CCL26: variants seen among roughly 807,000 people sequenced by gnomAD.
The protein encoded by CCL26 is C-C motif chemokine ligand 26, also known as C-C motif chemokine 26.
A neutral mutation model predicts 10.7 loss-of-function variants in CCL26; 10 were observed. The ratio of observed to expected loss-of-function variants is 0.93; its 90% CI spans 0.57 to 1.58. CCL26 has a LOEUF of 1.58. Among genes scored for constraint, CCL26 ranks in the 40% most tolerant of loss-of-function variants. The pLI is 0.00. For synonymous variants in CCL26, 43 were observed against 41.4 expected (o/e 1.04, Z -0.15); for missense variants, 116 against 111.0 (o/e 1.05, Z -0.20).
intron 1 of CCL26, among the ~76,000 whole-genome samples, chr7:75,783,717 G>A (rs532087466): frequency 1.7e-4 from 25 of 151,334 alleles, no homozygotes; most frequent in Admixed American, 1.6e-3. Flanking sequence ...AACCCGGTAG[G>A]TGGAGCTTGC....
rs767218615 is a variant in CCL26 at position 75,769,730 on chromosome 7, T to G, written c.248A>C (p.Lys83Thr). 1 of 1,613,268 alleles carries G rather than the reference T, an allele frequency of 6.2e-7. No individual in the cohort carries two copies. The highest frequency in any genetic ancestry group is 1.7e-4 in the Middle Eastern group (1 of 6,056). Residue 83 changes from lysine (K) to threonine (T), a missense_variant, in exon 3 of 3, where the codon AAA becomes ACA. Transcript: ENST00000005180. ...CGGAGTTTTCAGTAAAGAAATGTAT[T>G]TTTGCACCCATTTTTTCCTTGGATG... ...CTHPRKKWVQ[K>T]YISLLKTPKQ...
At chr7:75,784,274 G>A (rs946661852) in intron 1 of CCL26, among the ~76,000 whole-genome samples, 1 of 152,194 alleles carries the variant, frequency 6.6e-6, no homozygotes. Context: ...TGTCCCATCT[G>A]TGTGGGACCC....
intron 1 of CCL26, among the ~76,000 whole-genome samples, chr7:75,781,174 G>A (rs1248815327): frequency 2.6e-5 from 4 of 152,216 alleles, no homozygotes; most frequent in East Asian, 3.9e-4. Context: ...ATCCACTCCC[G>A]ACATTAAATA....
At chr7:75,770,361 C>T (rs976211160) in intron 2 of CCL26, among the ~76,000 whole-genome samples, 8 of 151,986 alleles carry the variant, frequency 5.3e-5, no homozygotes, top group Non-Finnish European at 8.8e-5. Flanking sequence ...TGAGCCACCA[C>T]GCCTAGCCTT....
chr7:75,787,367 G>A lies in CCL26; in HGVS notation c.-79+2350C>T, dbSNP rs1200258295. 4.6e-5 allele frequency among the ~76,000 whole-genome samples: 7 copies of A among 152,072 alleles called. 1 individual carries two copies. Among genetic ancestry groups the A allele is most frequent in the South Asian group, 4.2e-4 (2 of 4,778 alleles). On this transcript the variant is annotated intron_variant, in intron 1 of 3. Transcript: ENST00000394905. ...TTTTTAAAGACACACCTCACCAGCC[G>A]GGCACAGTGGCTCACGCCTGTAATC...
At chr7:75,774,000 C>T (rs1215898031), upstream of CCL26, among the ~76,000 whole-genome samples, 4 of 152,144 alleles carry the variant, frequency 2.6e-5, no homozygotes, top group Non-Finnish European at 5.9e-5. Flanking sequence ...GGAGAGCCAC[C>T]ACACCTGGCT....
At chr7:75,787,651 CAAAA>C (rs55770109) in intron 1 of CCL26, among the ~76,000 whole-genome samples, 2 of 27,746 alleles carry the variant, frequency 7.2e-5, no homozygotes, top group African/African-American at 1.6e-4. Flanking sequence ...TCTCCAAAAG[CAAAA>C]AAAAAAAAAA....
chr7:75,788,135 T>C (rs1242442507), intron 1 of CCL26, among the ~76,000 whole-genome samples: 1 of 152,116 alleles, frequency 6.6e-6, no homozygotes, highest in South Asian at 2.1e-4. Context: ...TTTCGTTTTA[T>C]TTTTCTTATT....
At chr7:75,782,664 T>C (rs1164564219) in intron 1 of CCL26, among the ~76,000 whole-genome samples, 1 of 152,112 alleles carries the variant, frequency 6.6e-6, no homozygotes, top group Non-Finnish European at 1.5e-5. Context: ...CGACACTAGC[T>C]CCAAGTGGCC....
At chr7:75,773,783 T>C (rs1311926605), upstream of CCL26, among the ~76,000 whole-genome samples, 1 of 151,746 alleles carries the variant, frequency 6.6e-6, no homozygotes, top group African/African-American at 2.4e-5. Flanking sequence ...CTTGGGAGGC[T>C]GAGGCAGGAG....
At chr7:75,783,655 C>T (rs930684066) in intron 1 of CCL26, among the ~76,000 whole-genome samples, 3 of 151,994 alleles carry the variant, frequency 2.0e-5, no homozygotes, top group Admixed American at 6.6e-5. Context: ...GGAGTGGTGG[C>T]AGGCGCCTGT....
intron 1 of CCL26, among the ~76,000 whole-genome samples, chr7:75,778,446 T>C (rs1802988191): frequency 6.8e-6 from 1 of 147,810 alleles, no homozygotes. Context: ...GGTTTTGCCA[T>C]GTTGCCCAGG....
intron 1 of CCL26, among the ~76,000 whole-genome samples, chr7:75,784,788 T>A (rs1208599178): frequency 2.0e-5 from 3 of 151,846 alleles, no homozygotes; most frequent in African/African-American, 7.3e-5. Flanking sequence ...CTTCACATCC[T>A]CCCCTTGTAT....
intron 1 of CCL26, among the ~76,000 whole-genome samples, chr7:75,779,068 G>A (rs1259950934): frequency 6.6e-6 from 1 of 152,034 alleles, no homozygotes; most frequent in African/African-American, 2.4e-5. Flanking sequence ...CCTTCTCCTG[G>A]CTTATCCTGG....
chr7:75,782,139 T>C (rs1563339044), intron 1 of CCL26, among the ~76,000 whole-genome samples: 2 of 152,202 alleles, frequency 1.3e-5, no homozygotes, highest in African/African-American at 4.8e-5. Flanking sequence ...AACCTCTTTT[T>C]CCTTTCAATC....
chr7:75,771,921 G>A lies in CCL26; in HGVS notation c.156C>T (p.Phe52=). ...CCCGCTGGGAGCAGCTGTTACTGGTGAATTCATAGCTTCGCACCCAGGTCC... is the reference window on the plus strand; with the variant it reads ...CCCGCTGGGAGCAGCTGTTACTGGTAAATTCATAGCTTCGCACCCAGGTCC... ...LPWTWVRSYE[F]TSNSCSQRAV... Residue 52 remains phenylalanine (F), a synonymous_variant, in exon 2 of 3, where the codon TTC becomes TTT. Transcript: ENST00000005180. 1 of 1,613,896 alleles carries A rather than the reference G, an allele frequency of 6.2e-7. No homozygotes were observed. Among genetic ancestry groups the A allele is most frequent in the East Asian group, 2.2e-5 (1 of 44,884 alleles).
Position 75,772,134 on chromosome 7 carries a change from G to A in CCL26, c.43C>T (p.Leu15Phe). ...SLASAVLLAS[L>F]LSLHLGTATR... Reference sequence around the variant, plus strand: ...GCAGTTCCAAGGTGGAGACTCAGGAGGGAGGCCAGGAGCACAGCAGAGGCC... The same window carrying A: ...GCAGTTCCAAGGTGGAGACTCAGGAAGGAGGCCAGGAGCACAGCAGAGGCC... The change falls in exon 1 of 3, where the codon CTC becomes TTC. Residue 15 changes from leucine (L) to phenylalanine (F), a missense_variant. Physicochemically the swap from Leu to Phe is conservative, Grantham distance 22 (BLOSUM62 0). Transcript: ENST00000005180. 6.4e-7 allele frequency: 1 copy of A among 1,560,782 alleles called. No individual in the cohort carries two copies. Among genetic ancestry groups the A allele is most frequent in the East Asian group, 2.4e-5 (1 of 41,430 alleles).
intron 1 of CCL26, among the ~76,000 whole-genome samples, chr7:75,779,638 G>A (rs569687460): frequency 5.6e-4 from 85 of 152,356 alleles, no homozygotes; most frequent in African/African-American, 2.0e-3. Context: ...CTCCAGTCAT[G>A]GACTCGGGAA....
intron 1 of CCL26, among the ~76,000 whole-genome samples, chr7:75,781,749 G>A (rs551060541): frequency 6.6e-4 from 100 of 150,886 alleles, no homozygotes; most frequent in Middle Eastern, 3.4e-3. Flanking sequence ...GCCCCTGCCC[G>A]CCAGAGAACA....
Sources: allele counts gnomAD v4.1 joint callset (sites outside exome capture counted in the v4.1 genomes callset), GRCh38; gene constraint gnomAD v4.1.1; transcripts MANE v1.5; gene names NCBI Gene and HGNC (gene_info 2026-07-23, HGNC 2026-07-21).